Variants in PKP1 observed in about 807,000 individuals in gnomAD.
PKP1 encodes plakophilin 1, also known as plakophilin-1.
A neutral mutation model predicts 76.4 loss-of-function variants in PKP1; 27 were observed. The ratio of observed to expected loss-of-function variants is 0.35; its 90% CI spans 0.26 to 0.49. The LOEUF is 0.49. PKP1 is among the 20% of genes least tolerant of loss of function. The pLI is 0.99. For synonymous variants in PKP1, 404 were observed against 384.2 expected (o/e 1.05, Z -0.60); for missense variants, 964 against 955.2 (o/e 1.01, Z -0.12).
intron 2 of PKP1, among the ~76,000 whole-genome samples, chr1:201,297,785 C>T (rs1200358377): frequency 6.6e-6 from 1 of 152,152 alleles, no homozygotes; most frequent in African/African-American, 2.4e-5. Flanking sequence ...CCTTCCCATC[C>T]CCTCCAACCA....
At chr1:201,327,523 C>T (rs555457515) in intron 12 of PKP1, among the ~76,000 whole-genome samples, 8 of 152,272 alleles carry the variant, frequency 5.3e-5, no homozygotes, top group East Asian at 1.9e-4. Context: ...CAAAGGGAGA[C>T]GAGGAGGCAG....
At chr1:201,317,534 T>C in intron 4 of PKP1, 38 bp from the exon 5 acceptor site, 1 of 1,554,278 alleles carries the variant, frequency 6.4e-7, no homozygotes, top group Non-Finnish European at 8.9e-7. Context: ...CAGCCTCATC[T>C]CCCTTGACCA....
chr1:201,313,129 G>T, intron 2 of PKP1, 37 bp from the exon 3 acceptor site: 2 of 1,604,356 alleles, frequency 1.2e-6, no homozygotes, highest in South Asian at 2.2e-5. Flanking sequence ...CCCCATTTAG[G>T]AACCTTGACT....
rs150161614 is a variant in PKP1, at chr1:201,313,188, G to A, written c.329G>A (p.Arg110Gln). 2.1e-5 allele frequency: 33 copies of A among 1,608,778 alleles called. No homozygotes were observed. Among genetic ancestry groups the A allele is most frequent in the African/African-American group, 1.7e-4 (13 of 74,936 alleles). Reference sequence around the variant, plus strand: ...CAGATCTACAATGGAACCCTCAAGCGGGAGCCTGACAACAGGCGCTTCAGC... The same window carrying A: ...CAGATCTACAATGGAACCCTCAAGCAGGAGCCTGACAACAGGCGCTTCAGC... ...GYPIYNGTLK[R>Q]EPDNRRFSSY... is the part of the protein sequence containing the mutation. Residue 110 changes from arginine to glutamine, a missense_variant, in exon 3 of 14, where the codon CGG becomes CAG. Transcript: ENST00000367324.
intron 1 of PKP1, among the ~76,000 whole-genome samples, chr1:201,291,215 A>G (rs1333685633): frequency 6.6e-6 from 1 of 151,994 alleles, no homozygotes; most frequent in Non-Finnish European, 1.5e-5. Flanking sequence ...GTGTGATGTT[A>G]CCCTCATTCT....
In PKP1 at chr1:201,331,244, C is replaced by T. The variant is rs574230662; in HGVS notation, c.*1203C>T. 1.2e-4 allele frequency: 18 copies of T among 152,364 alleles called. No homozygotes were observed. The highest frequency in any genetic ancestry group is 4.6e-4 in the Admixed American group (7 of 15,284). The allele number at this position is 152,364 out of a possible 1,614,324, so 9.4% of individuals were successfully genotyped here. The stretch of plus-strand genomic sequence containing the variant: ...AAGTGCCATATCAGGGTACCGGTAC[C>T]GGCAAGCTCACATCTCAGCCAGGGG... On this transcript the variant is annotated 3_prime_UTR_variant, in exon 14 of 14. Coordinates refer to ENST00000367324, the MANE Select transcript of PKP1 (RefSeq NM_001005337.3).
intron 2 of PKP1, among the ~76,000 whole-genome samples, chr1:201,307,826 C>A (rs1044443177): frequency 1.3e-5 from 2 of 152,214 alleles, no homozygotes; most frequent in African/African-American, 2.4e-5. Flanking sequence ...GCCTGAGAGG[C>A]ACGAGGACTC....
At position 201,328,865 on chromosome 1, in the gene PKP1, G is replaced by A. The variant is rs769921106; in HGVS notation, c.*29G>A. The A allele has an allele frequency of 4.4e-5, 70 of 1,590,036 alleles. No homozygotes were observed. Among genetic ancestry groups the A allele is most frequent in the South Asian group, 8.8e-5 (8 of 90,616 alleles). ...GAGACTGTCCAAGCAAGTTAGGCTT[G>A]CAGGTAAGAATCACCCCACCCTCAG... On this transcript the variant is annotated 3_prime_UTR_variant, in exon 13 of 14. Transcript: ENST00000367324.
intron 1 of PKP1, among the ~76,000 whole-genome samples, chr1:201,288,350 A>T (rs1655799134): frequency 6.6e-6 from 1 of 152,190 alleles, no homozygotes; most frequent in Non-Finnish European, 1.5e-5. Flanking sequence ...TCTCGTAAAC[A>T]TCCTAACATA....
intron 2 of PKP1, 132 bp downstream of exon 2, chr1:201,294,177 A>C: frequency 2.8e-6 from 2 of 715,384 alleles, no homozygotes; most frequent in East Asian, 5.4e-5. Context: ...AGGCTCATCA[A>C]CTCTGACTAG....
rs533161792 is a variant in PKP1 at position 201,311,650 on chromosome 1, A to G, written c.307-1516A>G. 4.1e-5 allele frequency among the ~76,000 whole-genome samples: 6 copies of G among 145,546 alleles called. No individual in the cohort carries two copies. In the South Asian group the frequency reaches 1.2e-3, roughly 29 times the overall value. On this transcript the variant is annotated intron_variant, in intron 2 of 13. Transcript: ENST00000367324. ...GTGGCTAGATCTGGTGCAGAAGGGA[A>G]TTACCCAGTTGCCTAACGACCTCCC...
In PKP1 at chr1:201,324,245, G is replaced by A. The variant is rs575978758; in HGVS notation, c.1681-183G>A. ...GGCTGATCCAGGAGACAGGATCAGG[G>A]CTGGGAAAGGGGAGGTGCATGTTAG... On this transcript the variant is annotated intron_variant, in intron 9 of 13. Transcript: ENST00000367324. Among the ~76,000 whole-genome samples the A allele has an allele frequency of 8.5e-5, 13 of 152,280 alleles. No homozygotes were observed. The East Asian group carries it at 2.1e-3, about 25-fold the overall frequency.
In PKP1 at chr1:201,283,538, G is replaced by C. The variant is rs937485746; in HGVS notation, c.-165G>C. 2 of 691,104 alleles carry C rather than the reference G, an allele frequency of 2.9e-6. No homozygotes were observed. Among genetic ancestry groups the C allele is most frequent in the East Asian group, 2.7e-5 (1 of 36,876 alleles). 42.8% of individuals were successfully genotyped at this position (691,104 alleles called of 1,614,324 possible). ...GAGAGGGACGAACCAGGGTGGAAGC[G>C]CCAGGAGCAGCTGCAGGGAGCCCTC... On this transcript the variant is annotated 5_prime_UTR_variant, in exon 1 of 14. Transcript: ENST00000367324.
chr1:201,289,237 C>T (rs914862009), intron 1 of PKP1, among the ~76,000 whole-genome samples: 2 of 152,180 alleles, frequency 1.3e-5, no homozygotes, highest in Non-Finnish European at 2.9e-5. Context: ...CTTGTTATCT[C>T]ATTTAAATTC....
At chr1:201,315,706 A>G (rs1656700816) in intron 3 of PKP1, among the ~76,000 whole-genome samples, 1 of 152,234 alleles carries the variant, frequency 6.6e-6, no homozygotes, top group East Asian at 1.9e-4. Context: ...GGCTGAAAAA[A>G]GGTTGACTAC....
At chr1:201,285,387 G>T (rs994169937) in intron 1 of PKP1, among the ~76,000 whole-genome samples, 24 of 152,000 alleles carry the variant, frequency 1.6e-4, no homozygotes, top group Admixed American at 1.4e-3. Context: ...CTGGGCCCCA[G>T]ACCTAAAGGC....
chr1:201,328,321 C>T (rs1356919790), intron 12 of PKP1: 2 of 306,534 alleles, frequency 6.5e-6, no homozygotes, highest in Non-Finnish European at 1.3e-5. Flanking sequence ...CCAGTGCGAG[C>T]CCCCTGCTCC....
At position 201,325,794 on chromosome 1, in the gene PKP1, T is replaced by G. The variant is rs376796997; in HGVS notation, c.2062T>G (p.Ser688Ala). The G allele has an allele frequency of 6.2e-7, 1 of 1,613,972 alleles. No individual in the cohort carries two copies. Among genetic ancestry groups the G allele is most frequent in the Admixed American group, 1.7e-5 (1 of 60,016 alleles). The change falls in exon 12 of 14, where the codon TCT becomes GCT. Residue 688 changes from serine (S) to alanine (A), a missense_variant. Coordinates refer to ENST00000367324, the MANE Select transcript of PKP1 (RefSeq NM_001005337.3). ...KAAEAARLLL[S>A]DMWSSKELQG... Reference sequence around the variant, plus strand: ...CGCAGAAGCTGCCCGGCTTCTCCTGTCTGACATGTGGTCCAGCAAGGAACT... The same window carrying G: ...CGCAGAAGCTGCCCGGCTTCTCCTGGCTGACATGTGGTCCAGCAAGGAACT...
chr1:201,303,234 T>C (rs1001361480), intron 2 of PKP1, among the ~76,000 whole-genome samples: 36 of 152,194 alleles, frequency 2.4e-4, no homozygotes, highest in African/African-American at 8.0e-4. Context: ...CCCAGGGTGG[T>C]CTTGAACTCC....
Sources: allele counts gnomAD v4.1 joint callset (sites outside exome capture counted in the v4.1 genomes callset), GRCh38; gene constraint gnomAD v4.1.1; transcripts MANE v1.5; gene names NCBI Gene and HGNC (gene_info 2026-07-23, HGNC 2026-07-21).